Variants in BCAS1 observed in about 807,000 individuals in gnomAD.
BCAS1 encodes breast carcinoma-amplified sequence 1.
Under a neutral mutation model 65.4 loss-of-function variants are expected in BCAS1, and 46 were observed. The ratio of observed to expected loss-of-function variants is 0.70; its 90% confidence interval spans 0.55 to 0.90. BCAS1 has a LOEUF of 0.90. Ranked by LOEUF, BCAS1 falls within the 40% of genes least tolerant of loss-of-function variation. BCAS1 has a pLI of 0.00. For missense variants in BCAS1, 793 were observed against 771.2 expected (o/e 1.03, Z -0.33); for synonymous variants, 298 against 293.5 (o/e 1.02, Z -0.16).
At chr20:54,065,716 T>C (rs1235577641) in intron 1 of BCAS1, among the ~76,000 whole-genome samples, 1 of 152,150 alleles carries the variant, frequency 6.6e-6, no homozygotes, top group Non-Finnish European at 1.5e-5. Flanking sequence ...GGTGGTGAAA[T>C]AGCGCAAGCC....
At chr20:54,044,229 A>G (rs544916265) in intron 3 of BCAS1, among the ~76,000 whole-genome samples, 117 of 152,216 alleles carry the variant, frequency 7.7e-4, no homozygotes, top group African/African-American at 2.8e-3. Flanking sequence ...TTCTCTTTTC[A>G]TGTTTTTTTC....
At chr20:53,948,263 T>C (rs2089396624) in intron 12 of BCAS1, among the ~76,000 whole-genome samples, 1 of 152,178 alleles carries the variant, frequency 6.6e-6, no homozygotes, top group African/African-American at 2.4e-5. Context: ...ATCTTGGGGC[T>C]TGATGGACTA....
chr20:54,009,428 G>T (rs2091275141), intron 4 of BCAS1, among the ~76,000 whole-genome samples: 1 of 152,044 alleles, frequency 6.6e-6, no homozygotes, highest in Admixed American at 6.5e-5. Context: ...AACTGGATAG[G>T]AGAATGCCAT....
chr20:53,951,529 T>C (rs904087885), intron 12 of BCAS1, among the ~76,000 whole-genome samples: 21 of 152,238 alleles, frequency 1.4e-4, no homozygotes, highest in South Asian at 2.1e-4. Context: ...ACATCTTTCC[T>C]GGTCCTTTAG....
chr20:53,957,414 G>A lies in BCAS1; in HGVS notation c.1551+18C>T. 1 of 1,607,360 alleles carries A rather than the reference G, an allele frequency of 6.2e-7. No homozygotes were observed. Among genetic ancestry groups the A allele is most frequent in the Non-Finnish European group, 8.5e-7 (1 of 1,173,772 alleles). ...ACACCACTAATCCCACCACCAAACT[G>A]AGTTCGAGGTCACTTACTTGGCAGC... On this transcript the variant is annotated intron_variant, in intron 11 of 12. Coordinates refer to ENST00000688948, the MANE Select transcript of BCAS1 (RefSeq NM_001366298.2).
intron 8 of BCAS1, among the ~76,000 whole-genome samples, chr20:53,978,244 C>T (rs1022463228): frequency 1.3e-5 from 2 of 151,992 alleles, no homozygotes; most frequent in African/African-American, 4.8e-5. Context: ...TCAACTATCG[C>T]AAGAACAAAA....
Position 53,996,014 on chromosome 20 carries a change from G to A in BCAS1, c.760C>T (p.Leu254Phe), listed in dbSNP as rs1255444253. 3 of 1,608,822 alleles carry A rather than the reference G, an allele frequency of 1.9e-6. No homozygotes were observed. The highest frequency in any genetic ancestry group is 2.5e-6 in the Non-Finnish European group (3 of 1,177,662). Residue 254 changes from leucine to phenylalanine, a missense_variant, in exon 5 of 13, where the codon CTT becomes TTT. Physicochemically the swap from Leu to Phe is conservative, Grantham distance 22. Coordinates refer to ENST00000688948, the MANE Select transcript of BCAS1 (RefSeq NM_001366298.2). ...VDGKEKEGQE[L>F]GTADCSVPGD... is the part of the protein sequence containing the mutation. ...GGGACAGAGCAATCCGCAGTTCCAA[G>A]TTCTTGTCCTTCTTTTTCCTTGCCG...
intron 9 of BCAS1, among the ~76,000 whole-genome samples, chr20:53,968,144 C>T (rs565878704): frequency 1.3e-5 from 2 of 152,342 alleles, no homozygotes; most frequent in East Asian, 1.9e-4. Flanking sequence ...TCAGCACACG[C>T]GACCACGCCT....
intron 3 of BCAS1, among the ~76,000 whole-genome samples, chr20:54,055,500 T>G (rs1326758506): frequency 6.6e-6 from 1 of 152,136 alleles, no homozygotes; most frequent in African/African-American, 2.4e-5. Context: ...GAAAACAGTA[T>G]GGGGGAAACT....
intron 2 of BCAS1, 51 bp downstream of exon 2, chr20:54,058,596 T>C (rs1437493279): frequency 2.4e-6 from 3 of 1,236,342 alleles, no homozygotes; most frequent in African/African-American, 1.6e-5. Context: ...GGAAGTTCTT[T>C]TTTTTTTTTT....
intron 1 of BCAS1, among the ~76,000 whole-genome samples, chr20:54,066,136 C>G (rs1044042110): frequency 4.6e-5 from 7 of 151,360 alleles, no homozygotes; most frequent in Non-Finnish European, 7.4e-5. Flanking sequence ...GCAGTGGCGC[C>G]ATTTCGGCTC....
chr20:54,059,497 T>TG (rs934591631), intron 1 of BCAS1, among the ~76,000 whole-genome samples: 2 of 152,084 alleles, frequency 1.3e-5, no homozygotes, highest in African/African-American at 4.8e-5. Flanking sequence ...CGGCCTTTTT[T>TG]TTTTCATAGC....
chr20:54,017,604 C>T (rs1396707337), intron 4 of BCAS1, among the ~76,000 whole-genome samples: 3 of 152,012 alleles, frequency 2.0e-5, no homozygotes, highest in African/African-American at 7.2e-5. Context: ...CCATGTTGGC[C>T]AGGCTGGTCT....
intron 11 of BCAS1, among the ~76,000 whole-genome samples, chr20:53,954,369 T>C (rs1266381779): frequency 1.3e-5 from 2 of 150,342 alleles, no homozygotes; most frequent in East Asian, 3.9e-4. Context: ...GCGTGCCTCC[T>C]AGATCTAGCT....
Position 53,981,532 on chromosome 20 carries a change from T to C in BCAS1, c.1275+3755A>G, listed in dbSNP as rs143227514. ...TATAATTCACTGAATATCAGTCATT[T>C]GGCGTTCTTTTTTTTTTTTTTTTTA... On this transcript the variant is annotated intron_variant, in intron 8 of 12. Coordinates refer to ENST00000688948, the MANE Select transcript of BCAS1 (RefSeq NM_001366298.2). 9.6e-3 allele frequency among the ~76,000 whole-genome samples: 1,455 copies of C among 151,900 alleles called. 15 individuals are homozygous for C. Among genetic ancestry groups the C allele is most frequent in the Non-Finnish European group, 0.015 (1,022 of 67,922 alleles).
At position 54,028,955 on chromosome 20, in the gene BCAS1, C is replaced by T; in HGVS notation, c.160G>A (p.Val54Ile). The T allele has an allele frequency of 6.2e-7, 1 of 1,609,004 alleles. No homozygotes were observed. Among genetic ancestry groups the T allele is most frequent in the South Asian group, 1.1e-5 (1 of 90,896 alleles). The change falls in exon 4 of 13, where the codon GTC (valine) becomes ATC (isoleucine). Residue 54 changes from valine (V) to isoleucine (I), a missense_variant. Physicochemically the swap from Val to Ile is conservative, Grantham distance 29 (BLOSUM62 3). Coordinates refer to ENST00000688948, the MANE Select transcript of BCAS1 (RefSeq NM_001366298.2). ...HLEEVDLGIS[V>I]KTDNVATSSP... is the part of the protein sequence containing the mutation. ...GAAGTGGCCACATTATCCGTCTTGA[C>T]ACTTATTCCCAAGTCGACTGTAAAC... is the stretch of plus-strand genomic sequence containing the variant.
At chr20:53,965,455 T>C (rs1245139255) in intron 10 of BCAS1, among the ~76,000 whole-genome samples, 1 of 152,222 alleles carries the variant, frequency 6.6e-6, no homozygotes, top group Admixed American at 6.5e-5. Context: ...TTTACATGCA[T>C]TTTTGTTTTT....
intron 4 of BCAS1, among the ~76,000 whole-genome samples, chr20:54,019,548 T>C (rs913395199): frequency 9.9e-5 from 15 of 152,208 alleles, no homozygotes; most frequent in Non-Finnish European, 1.6e-4. Flanking sequence ...AGATGGCTGG[T>C]AAAGTATTGT....
intron 10 of BCAS1, among the ~76,000 whole-genome samples, chr20:53,961,058 C>T (rs2089864593): frequency 1.3e-5 from 2 of 152,330 alleles, no homozygotes; most frequent in Non-Finnish European, 2.9e-5. Flanking sequence ...ATGGAATCTA[C>T]TTGTGGCATT....
Sources: allele counts gnomAD v4.1 joint callset (sites outside exome capture counted in the v4.1 genomes callset), GRCh38; gene constraint gnomAD v4.1.1; transcripts MANE v1.5; gene names NCBI Gene and HGNC (gene_info 2026-07-23, HGNC 2026-07-21).